PRRC2C: variants seen among roughly 807,000 people sequenced by gnomAD.
PRRC2C encodes the protein proline rich coiled-coil 2C, also known as protein PRRC2C.
A neutral mutation model predicts 317.2 loss-of-function variants in PRRC2C; 72 were observed. The observed-to-expected ratio is 0.23, with a 90% CI of 0.19 to 0.28. The LOEUF is 0.28. PRRC2C is among the 10% of genes least tolerant of loss of function. The pLI is 1.00. For synonymous variants in PRRC2C, 1,296 were observed against 1,205.9 expected (o/e 1.07, Z -1.55); for missense variants, 3,074 against 3,459.7 (o/e 0.89, Z 2.80).
At chr1:171,527,526 G>A (rs969299756) in intron 10 of PRRC2C, among the ~76,000 whole-genome samples, 1 of 150,496 alleles carries the variant, frequency 6.6e-6, no homozygotes, top group Non-Finnish European at 1.5e-5. Flanking sequence ...GGAGGCTAAG[G>A]CAGGCAGATC....
intron 23 of PRRC2C, among the ~76,000 whole-genome samples, chr1:171,570,919 A>G (rs938560881): frequency 6.6e-6 from 1 of 152,210 alleles, no homozygotes; most frequent in Non-Finnish European, 1.5e-5. Context: ...CAGCACCATC[A>G]GCATCACCTG....
chr1:171,513,212 T>G (rs1671691741), intron 3 of PRRC2C, 40 bp downstream of exon 3: 2 of 1,559,878 alleles, frequency 1.3e-6, no homozygotes, highest in African/African-American at 2.7e-5. Flanking sequence ...CCTTCCCCTT[T>G]CTTTGTAGGG....
chr1:171,579,249 T>C (rs569628365), intron 26 of PRRC2C, 105 bp from the exon 27 acceptor site: 91 of 1,399,620 alleles, frequency 6.5e-5, no homozygotes, highest in Admixed American at 1.1e-4. Context: ...TTTCAGAGGG[T>C]GCACTTAATT....
chr1:171,492,634 TC>T (rs998629320), intron 1 of PRRC2C, among the ~76,000 whole-genome samples: 7 of 152,080 alleles, frequency 4.6e-5, no homozygotes, highest in African/African-American at 1.7e-4. Flanking sequence ...AGGTTAAAAC[TC>T]CCATGCTGAT....
intron 18 of PRRC2C, among the ~76,000 whole-genome samples, chr1:171,556,080 G>A (rs1264107816): frequency 2.0e-5 from 3 of 152,072 alleles, no homozygotes; most frequent in Non-Finnish European, 4.4e-5. Flanking sequence ...TGGGCTCCCC[G>A]CAGTTCAAGC....
Position 171,513,060 on chromosome 1 carries a change from G to T in PRRC2C, c.178G>T (p.Ala60Ser). The stretch of plus-strand genomic sequence containing the variant: ...TATTTCACGGCGTATGCCTCCACCT[G>T]CTAACCTCCCAAGTCTTAAAGCAGA... ...VGISRRMPPP[A>S]NLPSLKAENK... Residue 60 changes from alanine (A) to serine (S), a missense_variant, in exon 3 of 35, where the codon GCT (alanine) becomes TCT (serine). Ala to Ser is a moderately conservative substitution (Grantham distance 99). Transcript: ENST00000647382. The T allele has an allele frequency of 1.9e-6, 3 of 1,613,770 alleles. No homozygotes were observed. The highest frequency in any genetic ancestry group is 2.5e-6 in the Non-Finnish European group (3 of 1,179,784).
chr1:171,548,111 G>A (rs774209460), intron 17 of PRRC2C, among the ~76,000 whole-genome samples: 12 of 151,936 alleles, frequency 7.9e-5, no homozygotes, highest in Non-Finnish European at 1.5e-4. Flanking sequence ...GACTACAGGC[G>A]CGCACCACTA....
chr1:171,516,320 T>C (rs1375828603), intron 5 of PRRC2C, among the ~76,000 whole-genome samples: 1 of 152,186 alleles, frequency 6.6e-6, no homozygotes, highest in African/African-American at 2.4e-5. Context: ...AAGTGTAAAA[T>C]GTTCGAGGGA....
At position 171,566,840 on chromosome 1, in the gene PRRC2C, A is replaced by G. The variant is rs1247127445; in HGVS notation, c.6555A>G (p.Ala2185=). 2 of 1,610,748 alleles carry G rather than the reference A, an allele frequency of 1.2e-6. No individual in the cohort carries two copies. The highest frequency in any genetic ancestry group is 2.2e-5 in the South Asian group (2 of 90,304). The change falls in exon 22 of 35, where the codon GCA becomes GCG. Residue 2185 remains alanine (A), a synonymous_variant. Transcript: ENST00000647382. Reference sequence around the variant, plus strand: ...CATCTGCAGAATATGGTACTAATGCAAAGGTAAGCCACATGTAGGGATTAC... The same window carrying G: ...CATCTGCAGAATATGGTACTAATGCGAAGGTAAGCCACATGTAGGGATTAC... ...SVSSAEYGTN[A]KESVTDYTTP... is the part of the protein sequence containing the mutation.
Position 171,541,807 on chromosome 1 carries a change from T to C in PRRC2C, c.4341T>C (p.Ala1447=), listed in dbSNP as rs763236094. 1 of 1,613,814 alleles carries C rather than the reference T, an allele frequency of 6.2e-7. No individual in the cohort carries two copies. Among genetic ancestry groups the C allele is most frequent in the Non-Finnish European group, 8.5e-7 (1 of 1,179,848 alleles). The change falls in exon 16 of 35, where the codon GCT becomes GCC. Residue 1447 remains alanine, a synonymous_variant. Transcript: ENST00000647382. The surrounding 1 kb of genome is among the most constrained non-coding windows in gnomAD (Gnocchi z 4.1). ...PRFRRLRERE[A]ASKSNEVVAV... Reference sequence around the variant, plus strand: ...TTAGACGGCTAAGAGAGAGGGAGGCTGCTTCAAAATCAAATGAGGTGGTAG... The same window carrying C: ...TTAGACGGCTAAGAGAGAGGGAGGCCGCTTCAAAATCAAATGAGGTGGTAG...
intron 24 of PRRC2C, among the ~76,000 whole-genome samples, chr1:171,573,405 C>A (rs1685112375): frequency 1.3e-5 from 2 of 152,114 alleles, no homozygotes; most frequent in Admixed American, 1.3e-4. Flanking sequence ...TGTCAACTTG[C>A]CGTAAACCAC....
intron 19 of PRRC2C, 43 bp from the exon 20 acceptor site, chr1:171,560,975 A>T (rs1682566800): frequency 6.9e-7 from 1 of 1,447,606 alleles, no homozygotes; most frequent in Non-Finnish European, 9.7e-7. Context: ...AGATTATTAG[A>T]CTCTAAATCT....
At chr1:171,492,619 A>G (rs1571542329) in intron 1 of PRRC2C, among the ~76,000 whole-genome samples, 1 of 152,178 alleles carries the variant, frequency 6.6e-6, no homozygotes, top group East Asian at 1.9e-4. Flanking sequence ...GGTTGGCAAC[A>G]GAGCAGGTTA....
At chr1:171,580,046 C>A in intron 28 of PRRC2C, 82 bp downstream of exon 28, 2 of 1,256,544 alleles carry the variant, frequency 1.6e-6, no homozygotes, top group Non-Finnish European at 2.0e-6. Flanking sequence ...CCATACTGTT[C>A]CTTCCCAAAA....
intron 19 of PRRC2C, among the ~76,000 whole-genome samples, chr1:171,559,196 A>G (rs1345498598): frequency 6.6e-6 from 1 of 152,248 alleles, no homozygotes; most frequent in African/African-American, 2.4e-5. Flanking sequence ...CAAAACTGAG[A>G]TAATGGATGA....
In PRRC2C at chr1:171,517,643, T is replaced by C; in HGVS notation, c.579T>C (p.Ser193=). Residue 193 remains serine, a synonymous_variant, in exon 6 of 35, where the codon TCT becomes TCC. Transcript: ENST00000647382. ...GGKAAGSPSS[S]DQDEKLPGQD... Reference sequence around the variant, plus strand: ...AGGCTGCTGGCTCACCTTCGTCATCTGATCAAGATGAAAAGCTCCCTGGCC... The same window carrying C: ...AGGCTGCTGGCTCACCTTCGTCATCCGATCAAGATGAAAAGCTCCCTGGCC... The C allele has an allele frequency of 6.2e-7, 1 of 1,612,990 alleles. No homozygotes were observed.
rs1672621903 is a variant in PRRC2C at position 171,517,620 on chromosome 1, G to A, written c.556G>A (p.Ala186Thr). The change falls in exon 6 of 35, where the codon GCT becomes ACT. Residue 186 changes from alanine to threonine, a missense_variant. By Grantham distance (58) the Ala-to-Thr change is moderately conservative. Around this residue, in one of 11 missense-constraint regions of PRRC2C, gnomAD observed 237 missense variants for 199.5 expected, o/e 1.19. Transcript: ENST00000647382. ...NVACWRDGGKAAGSPSSSDQD... is the reference protein window; with the variant it reads ...NVACWRDGGKTAGSPSSSDQD... The stretch of plus-strand genomic sequence containing the variant: ...TGCTTGTTGGAGAGATGGTGGTAAG[G>A]CTGCTGGCTCACCTTCGTCATCTGA... 6.2e-7 allele frequency: 1 copy of A among 1,612,410 alleles called. No homozygotes were observed. Among genetic ancestry groups the A allele is most frequent in the Non-Finnish European group, 8.5e-7 (1 of 1,179,608 alleles).
Position 171,560,427 on chromosome 1 carries a change from A to G in PRRC2C, c.6032-591A>G, listed in dbSNP as rs1682440410. ...TGACTCCAGTTTTGAAAGAAGTTCT[A>G]CCATATGGGTAAACAGTATCACATG... On this transcript the variant is annotated intron_variant, in intron 19 of 34. Transcript: ENST00000647382. Among the ~76,000 whole-genome samples, 3 of 152,224 alleles carry G rather than the reference A, an allele frequency of 2.0e-5. 1 individual carries two copies. The highest frequency in any genetic ancestry group is 4.1e-4 in the South Asian group (2 of 4,838).
chr1:171,540,907 C>G lies in PRRC2C; in HGVS notation c.3441C>G (p.Asp1147Glu). 24 of 1,613,758 alleles carry G rather than the reference C, an allele frequency of 1.5e-5. No homozygotes were observed. The highest frequency in any genetic ancestry group is 2.0e-5 in the Non-Finnish European group (24 of 1,179,796). ...EKQPEKVISK[D>E]LVIERPRPDS... ...AACCTGAGAAAGTCATCAGCAAAGA[C>G]CTTGTTATAGAGAGGCCTCGACCAG... The change falls in exon 16 of 35, where the codon GAC (aspartate) becomes GAG (glutamate). Residue 1147 changes from aspartate to glutamate, a missense_variant. Asp to Glu is a conservative substitution (Grantham distance 45). This residue lies in a region of PRRC2C where 1,320 missense variants were observed against 1,395.7 expected (regional missense o/e 0.95). Transcript: ENST00000647382.
Sources: gnomAD v4.1 joint callset for allele counts (sites outside exome capture counted in the v4.1 genomes callset) on GRCh38, gnomAD v4.1.1 for gene constraint, gnomAD v4.1.1 regional missense constraint, Gnocchi (gnomAD v3.1) non-coding constraint, MANE v1.5 for transcripts, NCBI Gene and HGNC (gene_info 2026-07-23, HGNC 2026-07-21) for gene names.